PRKD1: variants seen among roughly 807,000 people sequenced by gnomAD.
PRKD1 encodes serine/threonine-protein kinase D1.
PRKD1 carries 63 observed loss-of-function variants against 95.9 expected under a neutral mutation model. The observed-to-expected ratio is 0.66, with a 90% confidence interval of 0.54 to 0.81. The LOEUF is 0.81. Ranked by LOEUF, PRKD1 falls within the 30% of genes least tolerant of loss-of-function variation. PRKD1 has a pLI of 0.00. For synonymous variants in PRKD1, 425 were observed against 423.1 expected, an observed-to-expected ratio of 1.00 and a Z score of -0.05; for missense variants, 1,048 against 1,165.3, an observed-to-expected ratio of 0.90 and a Z score of 1.47.
At chr14:29,913,667 T>G (rs565352174) in intron 1 of PRKD1, among the ~76,000 whole-genome samples, 21 of 152,234 alleles carry the variant, frequency 1.4e-4, no homozygotes, top group African/African-American at 4.3e-4. Flanking sequence ...CATTAGTAGA[T>G]GAAATTAACA....
chr14:29,652,816 C>T (rs1315225620), intron 4 of PRKD1: 1 of 152,148 alleles, frequency 6.6e-6, no homozygotes, highest in African/African-American at 2.4e-5. Flanking sequence ...TAGACTTTTG[C>T]TGCATTGAAA....
chr14:29,701,647 T>C (rs780534352), intron 2 of PRKD1, among the ~76,000 whole-genome samples: 1 of 152,204 alleles, frequency 6.6e-6, no homozygotes, highest in Non-Finnish European at 1.5e-5. Context: ...GTCAATACTT[T>C]TTCTTTTCTT....
chr14:29,849,100 G>T (rs541179777), intron 1 of PRKD1, among the ~76,000 whole-genome samples: 52 of 152,318 alleles, frequency 3.4e-4, no homozygotes, highest in South Asian at 2.3e-3. Context: ...ATAATTCCCA[G>T]TGTTGAATGT....
At chr14:29,643,233 T>C (rs1342641677) in intron 4 of PRKD1, among the ~76,000 whole-genome samples, 4 of 147,592 alleles carry the variant, frequency 2.7e-5, no homozygotes, top group African/African-American at 9.7e-5. Flanking sequence ...TGGCAAATTA[T>C]ATATGATGAC....
At chr14:29,746,569 A>G (rs564391544) in intron 1 of PRKD1, among the ~76,000 whole-genome samples, 1 of 151,376 alleles carries the variant, frequency 6.6e-6, no homozygotes, top group Non-Finnish European at 1.5e-5. Flanking sequence ...CCCTCTACTC[A>G]TTAACATGTG....
chr14:29,864,129 C>T (rs900219349), intron 1 of PRKD1, among the ~76,000 whole-genome samples: 16 of 151,838 alleles, frequency 1.1e-4, no homozygotes, highest in Non-Finnish European at 1.6e-4. Flanking sequence ...GAGAACTTAG[C>T]CACATTAATT....
intron 2 of PRKD1, among the ~76,000 whole-genome samples, chr14:29,691,849 C>T (rs942926882): frequency 2.0e-5 from 3 of 151,978 alleles, no homozygotes; most frequent in African/African-American, 4.8e-5. Context: ...CACCATATCA[C>T]AAACTTTGAA....
chr14:29,917,996 T>C (rs1165135806), intron 1 of PRKD1, among the ~76,000 whole-genome samples: 3 of 152,078 alleles, frequency 2.0e-5, no homozygotes, highest in African/African-American at 7.2e-5. Context: ...GGTAAACTTG[T>C]GTCATGGGGG....
chr14:29,901,955 T>G (rs1437460562), intron 1 of PRKD1, among the ~76,000 whole-genome samples: 1 of 152,252 alleles, frequency 6.6e-6, no homozygotes, highest in East Asian at 1.9e-4. Context: ...GAACAGAGTT[T>G]GACACATACA....
At chr14:29,885,566 A>C (rs867729874) in intron 1 of PRKD1, among the ~76,000 whole-genome samples, 2 of 152,144 alleles carry the variant, frequency 1.3e-5, no homozygotes, top group South Asian at 4.1e-4. Flanking sequence ...TTAAAAAAAA[A>C]CTAAAACAAA....
intron 3 of PRKD1, among the ~76,000 whole-genome samples, chr14:29,665,724 T>C (rs1882453363): frequency 2.0e-5 from 3 of 152,150 alleles, no homozygotes; most frequent in Middle Eastern, 3.4e-3. Context: ...CCAATGTATA[T>C]ACATGTTTGT....
intron 13 of PRKD1, among the ~76,000 whole-genome samples, chr14:29,620,772 T>C (rs896535821): frequency 6.6e-6 from 1 of 152,160 alleles, no homozygotes; most frequent in African/African-American, 2.4e-5. Flanking sequence ...GTGTGGCGAT[T>C]CCTCAGGGAT....
In PRKD1 at chr14:29,663,722, T is replaced by C. The variant is rs889705395; in HGVS notation, c.673A>G (p.Ser225Gly). Residue 225 changes from serine (S) to glycine (G), a missense_variant, in exon 4 of 18, where the codon AGT (serine) becomes GGT (glycine). Around this residue, in one of 3 missense-constraint regions of PRKD1, gnomAD observed 275 missense variants for 248.6 expected, o/e 1.11. Coordinates refer to ENST00000331968, the MANE Select transcript of PRKD1 (RefSeq NM_002742.3). ...ACCAGAAGGGGCTCATCAGGGGCAC[T>C]TGTAGAGAGTTCAGCAGATGATGTG... The part of the protein sequence containing the change: ...IRTSSAELST[S>G]APDEPLLQKS... 7 of 1,613,814 alleles carry C rather than the reference T, an allele frequency of 4.3e-6. No individual in the cohort carries two copies. The highest frequency in any genetic ancestry group is 4.0e-5 in the African/African-American group (3 of 74,872).
At chr14:29,675,164 T>C (rs1405049449) in intron 2 of PRKD1, among the ~76,000 whole-genome samples, 2 of 152,226 alleles carry the variant, frequency 1.3e-5, no homozygotes, top group African/African-American at 4.8e-5. Context: ...CGAAGATTCA[T>C]GACTTCATGA....
intron 1 of PRKD1, among the ~76,000 whole-genome samples, chr14:29,915,420 T>C (rs1894857520): frequency 6.6e-6 from 1 of 152,208 alleles, no homozygotes; most frequent in Non-Finnish European, 1.5e-5. Context: ...GATCATATGA[T>C]TCCTCAAGGG....
At chr14:29,621,447 T>A (rs943595212) in intron 13 of PRKD1, among the ~76,000 whole-genome samples, 8 of 152,086 alleles carry the variant, frequency 5.3e-5, no homozygotes, top group Admixed American at 1.3e-4. Flanking sequence ...TTTCCTTTCC[T>A]TTCCTTCTTT....
chr14:29,765,060 T>C (rs1222281973), intron 1 of PRKD1, among the ~76,000 whole-genome samples: 1 of 152,170 alleles, frequency 6.6e-6, no homozygotes, highest in African/African-American at 2.4e-5. Context: ...ACTTGGTTGC[T>C]GTTAGACTCA....
chr14:29,770,493 C>G (rs563209560), intron 1 of PRKD1, among the ~76,000 whole-genome samples: 1 of 152,276 alleles, frequency 6.6e-6, no homozygotes, highest in African/African-American at 2.4e-5. Context: ...GGCAGAAATA[C>G]AGACGGTAAA....
intron 1 of PRKD1, among the ~76,000 whole-genome samples, chr14:29,879,231 A>G (rs1319611002): frequency 2.6e-5 from 4 of 152,178 alleles, no homozygotes; most frequent in Admixed American, 2.6e-4. Context: ...CTATGTCCCC[A>G]CCCAAATCTC....
Sources: allele counts gnomAD v4.1 joint callset (sites outside exome capture counted in the v4.1 genomes callset), GRCh38; gene constraint gnomAD v4.1.1; regional missense constraint gnomAD v4.1.1; transcripts MANE v1.5; gene names NCBI Gene and HGNC (gene_info 2026-07-23, HGNC 2026-07-21).